The following SHROOM2 variants were observed in gnomAD, a reference collection of about 807,000 sequenced individuals.
SHROOM2 encodes protein Shroom2.
In SHROOM2, 33 loss-of-function variants were observed where a neutral mutation model predicts 75.9. The observed-to-expected ratio is 0.43, with a 90% CI of 0.33 to 0.58. SHROOM2 has a LOEUF of 0.58. Among genes scored for constraint, SHROOM2 ranks in the 20% least tolerant of loss-of-function variants. The pLI is 0.04. For synonymous variants in SHROOM2, 655 were observed against 663.6 expected (o/e 0.99, Z 0.20); for missense variants, 1,434 against 1,461.2 (o/e 0.98, Z 0.30).
chrX:9,940,467 A>G (rs1022531444), intron 8 of SHROOM2, among the ~76,000 whole-genome samples: 1 of 111,976 alleles, frequency 8.9e-6, no homozygotes, highest in Non-Finnish European at 1.9e-5. Context: ...CCTCACCAGA[A>G]GTGTGGCTCC....
chrX:9,884,881 G>C (rs2084252449), intron 2 of SHROOM2, among the ~76,000 whole-genome samples: 1 of 110,806 alleles, frequency 9.0e-6, no homozygotes, highest in Admixed American at 9.6e-5. Context: ...GAAAGGAATA[G>C]TATGCATTGG....
At chrX:9,918,042 C>T (rs1322942437) in intron 5 of SHROOM2, among the ~76,000 whole-genome samples, 1 of 111,901 alleles carries the variant, frequency 8.9e-6, no homozygotes, top group Non-Finnish European at 1.9e-5. Flanking sequence ...CTCCAGCACA[C>T]TGGAAGTCTA....
rs183360780 is a variant in SHROOM2, at chrX:9,800,872, G to T, written c.165+14162G>T. Among the ~76,000 whole-genome samples the T allele has an allele frequency of 6.0e-3, 660 of 110,139 alleles. 4 individuals carry two copies. Among genetic ancestry groups the T allele is most frequent in the Non-Finnish European group, 8.9e-3 (469 of 52,794 alleles). Reference sequence around the variant, plus strand: ...ATACAGAGTCTCACTGTGTTGCCCAGGCTGGTCTTGAACTCTGGCCTCAAG... The same window carrying T: ...ATACAGAGTCTCACTGTGTTGCCCATGCTGGTCTTGAACTCTGGCCTCAAG... On this transcript the variant is annotated intron_variant, in intron 1 of 9. Transcript: ENST00000380913.
chrX:9,875,014 G>T (rs781451780), intron 2 of SHROOM2, among the ~76,000 whole-genome samples: 1 of 88,867 alleles, frequency 1.1e-5, no homozygotes, highest in African/African-American at 4.1e-5. Flanking sequence ...CTGGGAGGTC[G>T]AGGCTACAAC....
chrX:9,921,459 C>CT (rs57840045), intron 5 of SHROOM2, among the ~76,000 whole-genome samples: 22,814 of 108,400 alleles, frequency 0.21, 1,903 homozygotes, highest in Middle Eastern at 0.26. Flanking sequence ...TGTCAACCCT[C>CT]TTTTTTTTTG....
At chrX:9,803,378 A>AT (rs199992605) in intron 1 of SHROOM2, among the ~76,000 whole-genome samples, 1,220 of 110,696 alleles carry the variant, frequency 0.011, 19 homozygotes, top group African/African-American at 0.037. Context: ...AAGATTTTAG[A>AT]TTTTTTTTTC....
At chrX:9,850,086 A>T (rs1164480763) in intron 1 of SHROOM2, among the ~76,000 whole-genome samples, 2 of 111,307 alleles carry the variant, frequency 1.8e-5, no homozygotes, top group African/African-American at 6.5e-5. Context: ...GAGCACCCTG[A>T]ACCTTGGGTG....
At chrX:9,855,911 C>T (rs1332414224) in intron 1 of SHROOM2, among the ~76,000 whole-genome samples, 4 of 111,385 alleles carry the variant, frequency 3.6e-5, no homozygotes, top group Non-Finnish European at 7.5e-5. Flanking sequence ...CCCGCCAAAG[C>T]GCACTAAAAA....
At chrX:9,809,402 A>G (rs756857048) in intron 1 of SHROOM2, among the ~76,000 whole-genome samples, 150 of 111,217 alleles carry the variant, frequency 1.3e-3, no homozygotes, top group Non-Finnish European at 1.7e-3. Flanking sequence ...CACTGACTCA[A>G]ATGTTAATCT....
chrX:9,815,571 C>CTATATCTATAT (rs1555923299), intron 1 of SHROOM2, among the ~76,000 whole-genome samples: 2 of 96,512 alleles, frequency 2.1e-5, no homozygotes, highest in African/African-American at 7.8e-5. Flanking sequence ...ATATCTATAT[C>CTATATCTATAT]CTATATCTAT....
At chrX:9,797,607 G>C (rs1223011436) in intron 1 of SHROOM2, among the ~76,000 whole-genome samples, 1 of 112,380 alleles carries the variant, frequency 8.9e-6, no homozygotes, top group African/African-American at 3.2e-5. Context: ...TATATAAAAT[G>C]AGACCTCCAC....
chrX:9,838,934 T>C (rs1363404540), intron 1 of SHROOM2, among the ~76,000 whole-genome samples: 2 of 110,971 alleles, frequency 1.8e-5, no homozygotes, highest in Non-Finnish European at 3.8e-5. Context: ...GGGGCTGTGG[T>C]GGGAATGGCT....
chrX:9,879,248 AT>A (rs201750201), intron 2 of SHROOM2, among the ~76,000 whole-genome samples: 2,515 of 108,757 alleles, frequency 0.023, 32 homozygotes, highest in Middle Eastern at 0.048. Context: ...TATTGTTTTT[AT>A]TTTTTTTTAT....
chrX:9,824,419 CAA>C (rs1310343885), intron 1 of SHROOM2, among the ~76,000 whole-genome samples: 4 of 111,110 alleles, frequency 3.6e-5, no homozygotes, highest in African/African-American at 1.3e-4. Context: ...GCCTGGGAGA[CAA>C]GAGCCGAAAC....
intron 1 of SHROOM2, among the ~76,000 whole-genome samples, chrX:9,855,929 A>G (rs1382128920): frequency 9.0e-6 from 1 of 111,123 alleles, no homozygotes; most frequent in Non-Finnish European, 1.9e-5. Context: ...AAATCTTCCT[A>G]AGTTACTCGG....
At chrX:9,821,110 C>T (rs982213694) in intron 1 of SHROOM2, among the ~76,000 whole-genome samples, 3 of 111,600 alleles carry the variant, frequency 2.7e-5, no homozygotes, top group Non-Finnish European at 5.6e-5. Context: ...CTAGACCTAC[C>T]GAACCCCAAA....
chrX:9,923,287 G>A (rs907008656), intron 5 of SHROOM2, among the ~76,000 whole-genome samples: 3 of 111,005 alleles, frequency 2.7e-5, no homozygotes, highest in African/African-American at 6.6e-5. Context: ...GGAGGAATGT[G>A]GATCAGTCCC....
At chrX:9,811,355 C>T (rs753610209) in intron 1 of SHROOM2, among the ~76,000 whole-genome samples, 9 of 111,943 alleles carry the variant, frequency 8.0e-5, no homozygotes, top group Non-Finnish European at 1.3e-4. Context: ...TGGGCGATGA[C>T]GGGTGGCTGG....
At chrX:9,883,638 G>A (rs747031790) in intron 2 of SHROOM2, among the ~76,000 whole-genome samples, 62 of 110,121 alleles carry the variant, frequency 5.6e-4, no homozygotes, top group Non-Finnish European at 1.2e-3. Flanking sequence ...GAAACTGGGA[G>A]CAGCTGATGG....
Sources: allele counts gnomAD v4.1 joint callset (sites outside exome capture counted in the v4.1 genomes callset), GRCh38; gene constraint gnomAD v4.1.1; transcripts MANE v1.5; gene names NCBI Gene and HGNC (gene_info 2026-07-23, HGNC 2026-07-21).